ERICH3: variants seen among roughly 807,000 people sequenced by gnomAD.
The protein encoded by ERICH3 is glutamate-rich protein 3.
A neutral mutation model predicts 131.1 loss-of-function variants in ERICH3; 126 were observed. That is an observed-to-expected ratio of 0.96 (90% CI 0.83 to 1.11). The LOEUF (loss-of-function observed/expected upper bound fraction) is 1.11. Among genes scored for constraint, ERICH3 ranks in the 50% most tolerant of loss-of-function variants. ERICH3 has a pLI of 0.00. For synonymous variants in ERICH3, 695 were observed against 644.6 expected (o/e 1.08, Z -1.18); for missense variants, 2,050 against 1,810.7 (o/e 1.13, Z -2.40).
At chr1:74,652,336 G>A (rs529844032) in intron 1 of ERICH3, among the ~76,000 whole-genome samples, 8 of 152,132 alleles carry the variant, frequency 5.3e-5, no homozygotes, top group African/African-American at 1.4e-4. Context: ...CAAATGCTGC[G>A]TGGGCCAGTG....
chr1:74,572,626 A>G lies in ERICH3; in HGVS notation c.3084T>C (p.Asp1028=). 1.2e-6 allele frequency: 2 copies of G among 1,613,282 alleles called. No individual in the cohort carries two copies. The highest frequency in any genetic ancestry group is 2.2e-5 in the South Asian group (2 of 91,002). ...CAGTCACCATCTCTTCCCCTTCCAC[A>G]TCTTCCTTGCAAAGGAAGGCTTCCT... The part of the protein sequence containing the change: ...LAKEAFLCKE[D]VEGEEMVTEA... The change falls in exon 14 of 15, where the codon GAT becomes GAC. Residue 1028 remains aspartate (D), a synonymous_variant. Coordinates refer to ENST00000326665, the MANE Select transcript of ERICH3 (RefSeq NM_001002912.5).
At chr1:74,652,065 A>C (rs1211149686) in intron 1 of ERICH3, among the ~76,000 whole-genome samples, 2 of 152,166 alleles carry the variant, frequency 1.3e-5, no homozygotes, top group Non-Finnish European at 2.9e-5. Flanking sequence ...ACCACTTGTA[A>C]GCAACTCCTT....
At chr1:74,620,982 G>A (rs1226855053) in intron 7 of ERICH3, 68 bp from the exon 8 acceptor site, 6 of 1,212,602 alleles carry the variant, frequency 4.9e-6, no homozygotes, top group African/African-American at 1.6e-5. Flanking sequence ...ACCTGACATT[G>A]TAATATGAAG....
In ERICH3 at chr1:74,571,699, A is replaced by G; in HGVS notation, c.4011T>C (p.Val1337=). ...CTCCGTGTAGAACTTCCACAGCCACAACCCTTCCTCCTCCCATGCCCTCAT... is the reference window on the plus strand; with the variant it reads ...CTCCGTGTAGAACTTCCACAGCCACGACCCTTCCTCCTCCCATGCCCTCAT... ...QKNEGMGGGR[V]VAVEVLHGGG... is the part of the protein sequence containing the mutation. The change falls in exon 14 of 15, where the codon GTT becomes GTC. Residue 1337 remains valine (V), a synonymous_variant. Coordinates refer to ENST00000326665, the MANE Select transcript of ERICH3 (RefSeq NM_001002912.5). 6.2e-7 allele frequency: 1 copy of G among 1,613,902 alleles called. No individual in the cohort carries two copies. Among genetic ancestry groups the G allele is most frequent in the African/African-American group, 1.3e-5 (1 of 74,952 alleles).
At chr1:74,607,732 C>T (rs577958570) in intron 9 of ERICH3, among the ~76,000 whole-genome samples, 3 of 152,028 alleles carry the variant, frequency 2.0e-5, no homozygotes, top group Admixed American at 2.0e-4. Flanking sequence ...GACATTAAAA[C>T]TTTTTAAATC....
At chr1:74,642,873 T>A (rs1243297081) in intron 4 of ERICH3, among the ~76,000 whole-genome samples, 154 bp downstream of exon 4, 1 of 152,148 alleles carries the variant, frequency 6.6e-6, no homozygotes, top group African/African-American at 2.4e-5. Context: ...GTAATGATGA[T>A]GGCTAAGATT....
chr1:74,641,224 TGGCAGCATTACG>T, intron 5 of ERICH3, 95 bp downstream of exon 5: 1 of 1,271,530 alleles, frequency 7.9e-7, no homozygotes, highest in Non-Finnish European at 1.1e-6. Flanking sequence ...TCAGTAGGAC[TGGCAGCATTACG>T]GAGTCATGCT....
At chr1:74,607,143 A>T (rs1648439673) in intron 9 of ERICH3, among the ~76,000 whole-genome samples, 1 of 152,060 alleles carries the variant, frequency 6.6e-6, no homozygotes, top group African/African-American at 2.4e-5. Flanking sequence ...CCACAATAAT[A>T]AACAAAATAA....
chr1:74,629,369 G>GA (rs1553165645), intron 7 of ERICH3, among the ~76,000 whole-genome samples: 2 of 149,408 alleles, frequency 1.3e-5, no homozygotes, highest in Non-Finnish European at 3.0e-5. Flanking sequence ...AGAGAAAAAG[G>GA]TTTTTTTTTT....
chr1:74,656,705 T>A (rs942732900), intron 1 of ERICH3, among the ~76,000 whole-genome samples: 8 of 152,194 alleles, frequency 5.3e-5, no homozygotes, highest in Middle Eastern at 3.2e-3. Context: ...AATACCCACA[T>A]AGAATCTGGC....
chr1:74,601,876 T>C (rs1268086604), intron 10 of ERICH3, among the ~76,000 whole-genome samples: 1 of 151,868 alleles, frequency 6.6e-6, no homozygotes, highest in Non-Finnish European at 1.5e-5. Context: ...ATCTGTAACA[T>C]GGGTAATACA....
At chr1:74,590,224 C>T (rs985100421) in intron 11 of ERICH3, 144 bp from the exon 12 acceptor site, 1 of 755,202 alleles carries the variant, frequency 1.3e-6, no homozygotes, top group Non-Finnish European at 2.0e-6. Flanking sequence ...ATATAGTCTA[C>T]TCAGTGGTCC....
At chr1:74,629,563 G>C (rs1649524303) in intron 7 of ERICH3, among the ~76,000 whole-genome samples, 1 of 152,090 alleles carries the variant, frequency 6.6e-6, no homozygotes, top group Non-Finnish European at 1.5e-5. Context: ...CTGGGATGAA[G>C]AGGCTGCTGC....
At chr1:74,610,374 T>C (rs924600525) in intron 9 of ERICH3, among the ~76,000 whole-genome samples, 1 of 149,860 alleles carries the variant, frequency 6.7e-6, no homozygotes, top group African/African-American at 2.5e-5. Flanking sequence ...CATCTATTAA[T>C]AGCAACTCAC....
chr1:74,579,721 T>G, intron 12 of ERICH3: 7 of 985,396 alleles, frequency 7.1e-6, no homozygotes, highest in Non-Finnish European at 8.4e-6. Flanking sequence ...GGACTGTGCA[T>G]GCTGAGACTC....
At chr1:74,597,885 T>C (rs967062252) in intron 11 of ERICH3, among the ~76,000 whole-genome samples, 5 of 151,960 alleles carry the variant, frequency 3.3e-5, no homozygotes, top group African/African-American at 9.7e-5. Flanking sequence ...ACCATGTGGA[T>C]CAGACATTTT....
intron 12 of ERICH3, 116 bp from the exon 13 acceptor site, chr1:74,577,052 A>G: frequency 1.3e-6 from 1 of 783,692 alleles, no homozygotes; most frequent in East Asian, 2.7e-5. Flanking sequence ...CTGTTCAACT[A>G]TCTGGGAGGC....
intron 8 of ERICH3, among the ~76,000 whole-genome samples, chr1:74,614,367 T>TAAAAAA (rs58516429): frequency 8.7e-6 from 1 of 114,950 alleles, no homozygotes; most frequent in Non-Finnish European, 1.8e-5. Context: ...ATTTTTTCCC[T>TAAAAAA]AAAAAAAAAA....
intron 1 of ERICH3, among the ~76,000 whole-genome samples, chr1:74,664,935 C>T (rs1646675426): frequency 6.6e-6 from 1 of 152,128 alleles, no homozygotes; most frequent in Non-Finnish European, 1.5e-5. Context: ...ACTTTTATCT[C>T]CCTTTTGAAC....
Sources: allele counts gnomAD v4.1 joint callset (sites outside exome capture counted in the v4.1 genomes callset), GRCh38; gene constraint gnomAD v4.1.1; transcripts MANE v1.5; gene names NCBI Gene and HGNC (gene_info 2026-07-23, HGNC 2026-07-21).